Variants in TLN2 observed in about 807,000 individuals in gnomAD.
The protein encoded by TLN2 is talin-2.
A neutral mutation model predicts 294.7 loss-of-function variants in TLN2; 118 were observed. The observed-to-expected ratio is 0.40, with a 90% confidence interval of 0.34 to 0.47. TLN2 has a LOEUF of 0.47. TLN2 is among the 20% of genes least tolerant of loss of function. The probability of loss-of-function intolerance (pLI) is 0.84; values close to 1 mark genes in which losing one functional copy is unlikely to be tolerated. For missense variants in TLN2, 3,083 were observed against 3,282.2 expected (o/e 0.94, Z 1.48); for synonymous variants, 1,431 against 1,304.5 (o/e 1.10, Z -2.09).
At chr15:62,721,005 G>A (rs1056748101) in intron 25 of TLN2, among the ~76,000 whole-genome samples, 1 of 152,146 alleles carries the variant, frequency 6.6e-6, no homozygotes. Flanking sequence ...GGAGCCATTT[G>A]TGGGTACTGT....
At chr15:62,428,606 A>G (rs996331970) in intron 1 of TLN2, among the ~76,000 whole-genome samples, 17 of 152,192 alleles carry the variant, frequency 1.1e-4, no homozygotes, top group African/African-American at 2.9e-4. Flanking sequence ...CCATATTCTC[A>G]GGTGAATCTC....
intron 20 of TLN2, among the ~76,000 whole-genome samples, chr15:62,707,563 C>A (rs1009459724): frequency 6.6e-6 from 1 of 152,144 alleles, no homozygotes; most frequent in Non-Finnish European, 1.5e-5. Context: ...TCTTGCAATG[C>A]GTGGTACAGC....
chr15:62,663,641 G>A (rs952165739), intron 9 of TLN2, among the ~76,000 whole-genome samples: 8 of 151,396 alleles, frequency 5.3e-5, no homozygotes, highest in Non-Finnish European at 1.5e-5. Flanking sequence ...CAAAAAAGAG[G>A]AAATATAATT....
intron 1 of TLN2, among the ~76,000 whole-genome samples, chr15:62,505,643 C>T (rs1190100272): frequency 2.0e-5 from 3 of 152,150 alleles, no homozygotes; most frequent in South Asian, 2.1e-4. Context: ...CTCTGTCTTA[C>T]GCACAAATAT....
At chr15:62,488,987 C>G (rs1313281366) in intron 1 of TLN2, among the ~76,000 whole-genome samples, 1 of 152,092 alleles carries the variant, frequency 6.6e-6, no homozygotes, top group African/African-American at 2.4e-5. Flanking sequence ...ATGGTGAAAC[C>G]CCGTCTCTAC....
At chr15:62,776,255 A>T (rs2063714851) in intron 42 of TLN2, among the ~76,000 whole-genome samples, 1 of 152,158 alleles carries the variant, frequency 6.6e-6, no homozygotes. Context: ...ACCTCATGGC[A>T]TATAATTTGT....
chr15:62,836,219 C>G, intron 57 of TLN2, 146 bp downstream of exon 57: 1 of 1,101,878 alleles, frequency 9.1e-7, no homozygotes, highest in East Asian at 2.6e-5. Context: ...CTACTGCGTG[C>G]GTCCATGCAT....
chr15:62,620,673 G>T (rs532516333), intron 3 of TLN2, among the ~76,000 whole-genome samples: 121 of 151,620 alleles, frequency 8.0e-4, no homozygotes, highest in African/African-American at 2.9e-3. Context: ...GTAGGGATGA[G>T]ATTTTGCTAT....
chr15:62,800,625 T>G, intron 49 of TLN2, 28 bp from the exon 50 acceptor site: 1 of 1,613,282 alleles, frequency 6.2e-7, no homozygotes, highest in Non-Finnish European at 8.5e-7. Flanking sequence ...CACTGCACTA[T>G]CTGTATTCAT....
intron 1 of TLN2, among the ~76,000 whole-genome samples, chr15:62,585,507 TG>T: frequency 6.6e-6 from 1 of 152,204 alleles, no homozygotes; most frequent in Middle Eastern, 3.4e-3. Flanking sequence ...AGGAAGGGGT[TG>T]GGGATGCAGG....
At chr15:62,821,981 C>G (rs1179165163) in intron 54 of TLN2, among the ~76,000 whole-genome samples, 1 of 152,192 alleles carries the variant, frequency 6.6e-6, no homozygotes, top group Non-Finnish European at 1.5e-5. Context: ...TTGGGGAGGG[C>G]TCTGTCCGCT....
intron 2 of TLN2, among the ~76,000 whole-genome samples, chr15:62,592,229 T>C (rs1416363066): frequency 2.6e-5 from 4 of 152,142 alleles, no homozygotes; most frequent in Non-Finnish European, 5.9e-5. Context: ...CTTCTGAGAG[T>C]CCTGAGAAGT....
At chr15:62,402,089 G>C (rs995817866) in intron 1 of TLN2, among the ~76,000 whole-genome samples, 4 of 152,146 alleles carry the variant, frequency 2.6e-5, no homozygotes, top group African/African-American at 7.2e-5. Flanking sequence ...CAAGCCATAG[G>C]AGAAATATAG....
chr15:62,398,933 T>C (rs1317658315), intron 1 of TLN2, among the ~76,000 whole-genome samples: 1 of 152,124 alleles, frequency 6.6e-6, no homozygotes, highest in Non-Finnish European at 1.5e-5. Flanking sequence ...CCCTCCCATC[T>C]CAGGCCCGGA....
At chr15:62,492,553 AAAAAAAAG>A (rs1303695630) in intron 1 of TLN2, among the ~76,000 whole-genome samples, 38 of 151,480 alleles carry the variant, frequency 2.5e-4, no homozygotes, top group African/African-American at 6.8e-4. Context: ...CAAAAAAAAA[AAAAAAAAG>A]AAAAAAAGAA....
At chr15:62,514,584 T>C (rs1042960522) in intron 1 of TLN2, among the ~76,000 whole-genome samples, 1 of 152,236 alleles carries the variant, frequency 6.6e-6, no homozygotes, top group Non-Finnish European at 1.5e-5. Flanking sequence ...TAGCAGTTCA[T>C]GGGCATTGAC....
At position 62,655,979 on chromosome 15, in the gene TLN2, C is replaced by G. The variant is rs1035566516; in HGVS notation, c.553C>G (p.Gln185Glu). The G allele has an allele frequency of 1.4e-5, 22 of 1,614,026 alleles. No individual in the cohort carries two copies. Among genetic ancestry groups the G allele is most frequent in the Non-Finnish European group, 1.9e-5 (22 of 1,180,042 alleles). The change falls in exon 8 of 59, where the codon CAA becomes GAA. Residue 185 changes from glutamine (Q) to glutamate (E), a missense_variant. Coordinates refer to ENST00000636159, the MANE Select transcript of TLN2 (RefSeq NM_015059.3). ...WLDHSRTFRE[Q>E]GVDENETLLL... ...GGATCACAGCCGAACATTCAGAGAA[C>G]AAGGAGTAGATGAAAACGAAACGTT... is the stretch of plus-strand genomic sequence containing the variant.
rs1226944547 is a variant in TLN2 at position 62,711,595 on chromosome 15, A to G, written c.2468-316A>G. ...AGCAATGTTTTCTAAATAAGTATTT[A>G]CTAATGCTAAATCCACGTAATTTTG... On this transcript the variant is annotated intron_variant, in intron 21 of 58. Coordinates refer to ENST00000636159, the MANE Select transcript of TLN2 (RefSeq NM_015059.3). Among the ~76,000 whole-genome samples, 6 of 152,262 alleles carry G rather than the reference A, an allele frequency of 3.9e-5. No individual in the cohort carries two copies. In the East Asian group the frequency reaches 1.2e-3, roughly 29 times the overall value.
At chr15:62,556,855 A>G (rs1013435085) in intron 1 of TLN2, among the ~76,000 whole-genome samples, 5 of 152,188 alleles carry the variant, frequency 3.3e-5, no homozygotes, top group Non-Finnish European at 5.9e-5. Context: ...TCTCATTTCC[A>G]TACATTTCTG....
Sources: allele counts gnomAD v4.1 joint callset (sites outside exome capture counted in the v4.1 genomes callset), GRCh38; gene constraint gnomAD v4.1.1; transcripts MANE v1.5; gene names NCBI Gene and HGNC (gene_info 2026-07-23, HGNC 2026-07-21).